OR8J3: variants seen among roughly 807,000 people sequenced by gnomAD.
The protein encoded by OR8J3 is olfactory receptor family 8 subfamily J member 3.
For missense variants in OR8J3, 418 were observed against 379.8 expected (o/e 1.10, Z -0.84); for synonymous variants, 170 against 142.6 (o/e 1.19, Z -1.37).
rs1172309695 is a variant in OR8J3, at chr11:56,137,751, G to A, written c.-33C>T. The A allele has an allele frequency of 1.3e-6, 2 of 1,533,524 alleles. No homozygotes were observed. Among genetic ancestry groups the A allele is most frequent in the African/African-American group, 2.8e-5 (2 of 72,124 alleles). 95.0% of individuals were successfully genotyped at this position (1,533,524 alleles called of 1,614,324 possible). ...TTTGGAAATTCATCTGTTTGAGGAA[G>A]AAAATAAGTGGTTATAGACGTTAAG... On this transcript the variant is annotated 5_prime_UTR_variant, in exon 2 of 2. Coordinates refer to ENST00000642058, the MANE Select transcript of OR8J3 (RefSeq NM_001004064.2).
In OR8J3 at chr11:56,137,094, A is replaced by C. The variant is rs1458570863; in HGVS notation, c.625T>G (p.Phe209Val). The change falls in exon 2 of 2, where the codon TTT becomes GTT. Residue 209 changes from phenylalanine (F) to valine (V), a missense_variant. Transcript: ENST00000642058. ...GATACTAGAACTGTAATCATGGAAAAAACCAAATTTGTTGCTGCAGATATA... is the reference window on the plus strand; with the variant it reads ...GATACTAGAACTGTAATCATGGAAACAACCAAATTTGTTGCTGCAGATATA... The part of the protein sequence containing the change: ...VFISAATNLV[F>V]SMITVLVSYF... The C allele has an allele frequency of 6.2e-7, 1 of 1,613,762 alleles. No individual in the cohort carries two copies. Among genetic ancestry groups the C allele is most frequent in the Non-Finnish European group, 8.5e-7 (1 of 1,179,956 alleles).
Position 56,137,359 on chromosome 11 carries a change from A to G in OR8J3, c.360T>C (p.Tyr120=). Residue 120 remains tyrosine, a synonymous_variant, in exon 2 of 2, where the codon TAT becomes TAC. Transcript: ENST00000642058. ...SEVMMLAVMA[Y]DRYVAICNPL... is the part of the protein sequence containing the mutation. ...GGTTACAAATGGCCACATAGCGGTC[A>G]TAGGCCATCACAGCCAGCATCATTA... The G allele has an allele frequency of 6.2e-7, 1 of 1,614,146 alleles. No individual in the cohort carries two copies. Among genetic ancestry groups the G allele is most frequent in the Non-Finnish European group, 8.5e-7 (1 of 1,180,024 alleles).
In OR8J3 at chr11:56,137,423, G is replaced by T; in HGVS notation, c.296C>A (p.Thr99Asn). Residue 99 changes from threonine (T) to asparagine (N), a missense_variant, in exon 2 of 2, where the codon ACC becomes AAC. Transcript: ENST00000642058. ...AAAGAACAAGAACCCTCCCAGTTGG[G>T]TGGCACATTCATAGAATGAGGTAGT... is the stretch of plus-strand genomic sequence containing the variant. ...KKTTSFYECATQLGGFLFFIV... is the reference protein window; with the variant it reads ...KKTTSFYECANQLGGFLFFIV... 6.2e-7 allele frequency: 1 copy of T among 1,614,194 alleles called. No individual in the cohort carries two copies. The highest frequency in any genetic ancestry group is 1.1e-5 in the South Asian group (1 of 91,082).
In OR8J3 at chr11:56,137,742, T is replaced by G; in HGVS notation, c.-24A>C. ...ATGTCAGAGTTTGGAAATTCATCTG[T>G]TTGAGGAAGAAAATAAGTGGTTATA... On this transcript the variant is annotated 5_prime_UTR_variant, in exon 2 of 2. Transcript: ENST00000642058. 6.4e-7 allele frequency: 1 copy of G among 1,560,298 alleles called. No individual in the cohort carries two copies. Among genetic ancestry groups the G allele is most frequent in the Non-Finnish European group, 8.7e-7 (1 of 1,152,284 alleles).
intron 1 of OR8J3, among the ~76,000 whole-genome samples, chr11:56,139,524 G>A (rs1854369399): frequency 6.6e-6 from 1 of 152,112 alleles, no homozygotes; most frequent in African/African-American, 2.4e-5. Context: ...TCCAGGCTAT[G>A]TTCGAGCTTC....
intron 1 of OR8J3, among the ~76,000 whole-genome samples, chr11:56,139,367 G>A (rs1482003): frequency 0.13 from 17,648 of 132,056 alleles, 1,129 homozygotes; most frequent in East Asian, 0.16. Context: ...CTTAAAAAAA[G>A]AAAACAGAGA....
Position 56,136,835 on chromosome 11 carries a change from T to C in OR8J3, c.884A>G (p.Asn295Ser). ...TTTCTTTAAGGCAACATTTACATCA[T>C]TATTCCTCAGGCTGTAGATCAAGGG... is the stretch of plus-strand genomic sequence containing the variant. ...LNPLIYSLRN[N>S]DVNVALKKFM... The change falls in exon 2 of 2, where the codon AAT becomes AGT. Residue 295 changes from asparagine to serine, a missense_variant. Coordinates refer to ENST00000642058, the MANE Select transcript of OR8J3 (RefSeq NM_001004064.2). 6.2e-7 allele frequency: 1 copy of C among 1,610,076 alleles called. No individual in the cohort carries two copies. Among genetic ancestry groups the C allele is most frequent in the Non-Finnish European group, 8.5e-7 (1 of 1,178,926 alleles).
Position 56,136,681 on chromosome 11 carries a change from C to T in OR8J3, c.*90G>A. On this transcript the variant is annotated 3_prime_UTR_variant, in exon 2 of 2. Coordinates refer to ENST00000642058, the MANE Select transcript of OR8J3 (RefSeq NM_001004064.2). ...CTTTAAATCTTACCTCTTGGTAATTCTTAGGATTGCTTGTAAACTTACTTT... is the reference window on the plus strand; with the variant it reads ...CTTTAAATCTTACCTCTTGGTAATTTTTAGGATTGCTTGTAAACTTACTTT... 1.5e-6 allele frequency: 1 copy of T among 648,868 alleles called. No individual in the cohort carries two copies. The highest frequency in any genetic ancestry group is 2.5e-6 in the Non-Finnish European group (1 of 404,102). 40.2% of individuals were successfully genotyped at this position (648,868 alleles called of 1,614,324 possible). A position where few individuals can be genotyped will look rare whatever the true frequency, so the allele number is the denominator to read the frequency against.
In OR8J3 at chr11:56,134,935, C is replaced by A. The variant is rs969187411; in HGVS notation, c.*1836G>T. ...AAATAGTACTCCATTCATTTATTAT[C>A]GCACTAGGTAAACCAATGATTTTTC... On this transcript the variant is annotated 3_prime_UTR_variant, in exon 2 of 2. Coordinates refer to ENST00000642058, the MANE Select transcript of OR8J3 (RefSeq NM_001004064.2). 6.6e-6 allele frequency: 1 copy of A among 151,918 alleles called. No individual in the cohort carries two copies. The highest frequency in any genetic ancestry group is 1.5e-5 in the Non-Finnish European group (1 of 67,892). 9.4% of individuals were successfully genotyped at this position (151,918 alleles called of 1,614,324 possible). A position where few individuals can be genotyped will look rare whatever the true frequency, so the allele number is the denominator to read the frequency against.
In OR8J3 at chr11:56,137,162, G is replaced by T; in HGVS notation, c.557C>A (p.Ala186Glu). 6 of 1,613,634 alleles carry T rather than the reference G, an allele frequency of 3.7e-6. No homozygotes were observed. The highest frequency in any genetic ancestry group is 4.2e-6 in the Non-Finnish European group (5 of 1,179,758). ...TATGTAAGTATCAGAGCAAGATAAT[G>T]CTAACAGAGGTGCAATATCACAGTA... is the stretch of plus-strand genomic sequence containing the variant. ...HFYCDIAPLL[A>E]LSCSDTYIPE... Residue 186 changes from alanine (A) to glutamate (E), a missense_variant, in exon 2 of 2, where the codon GCA becomes GAA. Physicochemically the swap from Ala to Glu is moderately radical, Grantham distance 107 (BLOSUM62 -1). Transcript: ENST00000642058.
At chr11:56,138,636 G>GT (rs1854359618) in intron 1 of OR8J3, 139 bp from the exon 2 acceptor site, 1 of 151,358 alleles carries the variant, frequency 6.6e-6, no homozygotes, top group Non-Finnish European at 1.5e-5. Context: ...GATTGCGCCA[G>GT]TGAGCCGAGA....
intron 1 of OR8J3, among the ~76,000 whole-genome samples, chr11:56,139,220 A>G (rs796960331): frequency 6.6e-5 from 10 of 152,306 alleles, no homozygotes; most frequent in African/African-American, 2.4e-4. Context: ...TAAGTTCCAG[A>G]AAGTTAAGAA....
chr11:56,137,354 C>A lies in OR8J3; in HGVS notation c.365G>T (p.Arg122Leu), dbSNP rs775501990. 8.7e-6 allele frequency: 14 copies of A among 1,613,836 alleles called. No homozygotes were observed. Among genetic ancestry groups the A allele is most frequent in the East Asian group, 2.2e-5 (1 of 44,874 alleles). The change falls in exon 2 of 2, where the codon CGC becomes CTC. Residue 122 changes from arginine to leucine, a missense_variant. Coordinates refer to ENST00000642058, the MANE Select transcript of OR8J3 (RefSeq NM_001004064.2). ...CAGAGGGTTACAAATGGCCACATAG[C>A]GGTCATAGGCCATCACAGCCAGCAT... ...VMMLAVMAYD[R>L]YVAICNPLLY...
intron 1 of OR8J3, among the ~76,000 whole-genome samples, chr11:56,139,700 A>G (rs1854370869): frequency 6.6e-6 from 1 of 152,264 alleles, no homozygotes; most frequent in Admixed American, 6.5e-5. Context: ...GTACTATCAC[A>G]TAGAATATTA....
Position 56,135,231 on chromosome 11 carries a change from C to T in OR8J3, c.*1540G>A, listed in dbSNP as rs942026060. The T allele has an allele frequency of 6.6e-6, 1 of 150,814 alleles. No homozygotes were observed. The highest frequency in any genetic ancestry group is 1.5e-5 in the Non-Finnish European group (1 of 67,676). 9.3% of individuals were successfully genotyped at this position (150,814 alleles called of 1,614,324 possible). On this transcript the variant is annotated 3_prime_UTR_variant, in exon 2 of 2. Coordinates refer to ENST00000642058, the MANE Select transcript of OR8J3 (RefSeq NM_001004064.2). ...TTCCATTGTTCAATAGAAGGCCTAA[C>T]TAGAAAACGTATTCAGTGGAATCCA... is the stretch of plus-strand genomic sequence containing the variant.
rs899890689 is a variant in OR8J3 at position 56,137,983 on chromosome 11, G to C, written c.-265C>G. The C allele has an allele frequency of 2.2e-6, 1 of 447,576 alleles. No homozygotes were observed. The highest frequency in any genetic ancestry group is 4.0e-5 in the Admixed American group (1 of 25,138). 27.7% of individuals were successfully genotyped at this position (447,576 alleles called of 1,614,324 possible). On this transcript the variant is annotated 5_prime_UTR_variant, in exon 2 of 2. Transcript: ENST00000642058. ...GTTTCAGCATCCTGCAACACTTTGA[G>C]GGTTTACTGCCTTGCAGTGTAATTG...
intron 1 of OR8J3, among the ~76,000 whole-genome samples, chr11:56,138,957 A>G (rs1854363627): frequency 6.6e-6 from 1 of 151,956 alleles, no homozygotes; most frequent in African/African-American, 2.4e-5. Context: ...TGATATTTAT[A>G]TTATTGTAAC....
At chr11:56,138,930 G>T (rs917373978) in intron 1 of OR8J3, among the ~76,000 whole-genome samples, 4 of 150,504 alleles carry the variant, frequency 2.7e-5, no homozygotes, top group Admixed American at 1.3e-4. Context: ...TAGCTGATCT[G>T]TTTTTTTTAC....
chr11:56,139,862 G>GA (rs1854372089), intron 1 of OR8J3, among the ~76,000 whole-genome samples: 1 of 152,210 alleles, frequency 6.6e-6, no homozygotes, highest in African/African-American at 2.4e-5. Flanking sequence ...GCGTATCTGG[G>GA]AAAAAATATG....
Sources: allele counts gnomAD v4.1 joint callset (sites outside exome capture counted in the v4.1 genomes callset), GRCh38; gene constraint gnomAD v4.1.1; transcripts MANE v1.5; gene names NCBI Gene and HGNC (gene_info 2026-07-23, HGNC 2026-07-21).